Variants in RAP1GAP2 observed in about 807,000 individuals in gnomAD.
RAP1GAP2 encodes the protein RAP1 GTPase activating protein 2.
In RAP1GAP2, 27 loss-of-function variants were observed where a neutral mutation model predicts 95.0. That is an observed-to-expected ratio of 0.28 (90% CI 0.21 to 0.39). The LOEUF is 0.39. Among genes scored for constraint, RAP1GAP2 ranks in the 10% least tolerant of loss-of-function variants. The pLI, the probability that RAP1GAP2 is intolerant of heterozygous loss-of-function variation, is 1.00. For synonymous variants in RAP1GAP2, 373 were observed against 380.9 expected (o/e 0.98, Z 0.24); for missense variants, 771 against 970.0 (o/e 0.79, Z 2.72).
rs948441272 is a variant in RAP1GAP2 at position 2,965,484 on chromosome 17, A to G, written c.493-56A>G. On this transcript the variant is annotated intron_variant, in intron 7 of 24. Transcript: ENST00000254695. This position sits in a 1 kb window ranked among gnomAD's most constrained non-coding sequence, Gnocchi z 4.7. ...CTGGTGAAGGAGGTGGTTTAGGGGG[A>G]ACATACCTGGAAGGTTTCTTCCTCC... 4.4e-6 allele frequency: 6 copies of G among 1,359,942 alleles called. No individual in the cohort carries two copies. In the Admixed American group the frequency reaches 9.8e-5, roughly 22 times the overall value. The allele number at this position is 1,359,942 out of a possible 1,614,324, so 84.2% of individuals were successfully genotyped here.
In RAP1GAP2 at chr17:2,872,426, TGCTTTGAAACAAAGACCGTTGGTTACAG is replaced by T. The variant is rs2072883232; in HGVS notation, c.81-32857_81-32830del. On this transcript the variant is annotated intron_variant, in intron 2 of 24. Coordinates refer to ENST00000254695, the MANE Select transcript of RAP1GAP2 (RefSeq NM_015085.5). ...AGAGGAAAAAGAAGGTCATATAAGC[TGCTTTGAAACAAAGACCGTTGGTTACAG>T]AGGCTTATCTCAGGAGGGGGCTTTT... Among the ~76,000 whole-genome samples the T allele has an allele frequency of 5.9e-5, 9 of 151,826 alleles. No homozygotes were observed. The South Asian group carries it at 1.9e-3, about 32-fold the overall frequency.
At chr17:2,785,546 A>G (rs2068752099) in intron 1 of RAP1GAP2, among the ~76,000 whole-genome samples, 1 of 152,218 alleles carries the variant, frequency 6.6e-6, no homozygotes, top group African/African-American at 2.4e-5. Flanking sequence ...GTATGAAAAA[A>G]GCATTGTGAA....
chr17:3,032,523 C>T, intron 24 of RAP1GAP2, 74 bp downstream of exon 24: 5 of 1,428,474 alleles, frequency 3.5e-6, no homozygotes, highest in Non-Finnish European at 4.9e-6. Flanking sequence ...AACTAGAGGC[C>T]TTGTAACCTC....
chr17:3,023,617 T>G (rs2151652445), intron 19 of RAP1GAP2, among the ~76,000 whole-genome samples: 1 of 152,338 alleles, frequency 6.6e-6, no homozygotes, highest in East Asian at 1.9e-4. Flanking sequence ...GTTACAGGTT[T>G]TTAAAAATTT....
rs78645251 is a variant in RAP1GAP2 at position 3,026,812 on chromosome 17, G to A, written c.1981-132G>A. The A allele has an allele frequency of 6.2e-3, 7,562 of 1,218,272 alleles. 356 individuals are homozygous for A. In the African/African-American group the frequency reaches 0.1, roughly 17 times the overall value. The allele number at this position is 1,218,272 out of a possible 1,614,324, so 75.5% of individuals were successfully genotyped here. ...CTTGGAACCAGGGTTGAAGTCAGCA[G>A]GAAAGAAAGAGCAGGCCCAAGTGGG... is the stretch of plus-strand genomic sequence containing the variant. On this transcript the variant is annotated intron_variant, in intron 21 of 24. Transcript: ENST00000254695.
chr17:2,938,783 T>C (rs1342645593), intron 3 of RAP1GAP2, among the ~76,000 whole-genome samples: 4 of 152,060 alleles, frequency 2.6e-5, no homozygotes, highest in Non-Finnish European at 5.9e-5. Flanking sequence ...GGTTAGGAGT[T>C]TGAGATCAGC....
At position 2,904,642 on chromosome 17, in the gene RAP1GAP2, G is replaced by A. The variant is rs144178298; in HGVS notation, c.81-642G>A. Among the ~76,000 whole-genome samples the A allele has an allele frequency of 4.0e-5, 6 of 150,246 alleles. No individual in the cohort carries two copies. In the East Asian group the frequency reaches 1.2e-3, roughly 30 times the overall value. ...TCTTCTCACACCCAGCCCCAGTCCT[G>A]GATCTCTTTAGCCCCGTGGTTCTCA... On this transcript the variant is annotated intron_variant, in intron 2 of 24. Coordinates refer to ENST00000254695, the MANE Select transcript of RAP1GAP2 (RefSeq NM_015085.5). This position sits in a 1 kb window ranked among gnomAD's most constrained non-coding sequence, Gnocchi z 4.7.
At position 3,025,923 on chromosome 17, in the gene RAP1GAP2, C is replaced by T. The variant is rs553307167; in HGVS notation, c.1752-85C>T. 1.7e-5 allele frequency: 17 copies of T among 1,020,394 alleles called. No homozygotes were observed. The Middle Eastern group carries it at 6.2e-4, about 37-fold the overall frequency. 63.2% of individuals were successfully genotyped at this position (1,020,394 alleles called of 1,614,324 possible). A position where few individuals can be genotyped will look rare whatever the true frequency, so the allele number is the denominator to read the frequency against. ...CTGACCCCACTGCCCCTCACCGTGC[C>T]GAGAGAGGCTCTGCCTGGGGCCGTG... On this transcript the variant is annotated intron_variant, in intron 19 of 24. Transcript: ENST00000254695.
chr17:2,805,692 G>C (rs1197623598), intron 2 of RAP1GAP2, among the ~76,000 whole-genome samples: 1 of 151,956 alleles, frequency 6.6e-6, no homozygotes, highest in African/African-American at 2.4e-5. Flanking sequence ...GCTCCTTTTT[G>C]CTACCCTCTG....
chr17:2,887,701 GTCTC>G (rs1159828193), intron 2 of RAP1GAP2, among the ~76,000 whole-genome samples: 7 of 142,000 alleles, frequency 4.9e-5, no homozygotes, highest in African/African-American at 1.8e-4. Flanking sequence ...TTGAAATGGA[GTCTC>G]TCTCTATTGC....
Position 2,963,359 on chromosome 17 carries a change from C to A in RAP1GAP2, c.247-71C>A, listed in dbSNP as rs1850468786. 2.5e-6 allele frequency: 4 copies of A among 1,570,138 alleles called. No homozygotes were observed. The highest frequency in any genetic ancestry group is 1.8e-6 in the Non-Finnish European group (2 of 1,142,328). On this transcript the variant is annotated intron_variant, in intron 5 of 24. Transcript: ENST00000254695. This position sits in a 1 kb window ranked among gnomAD's most constrained non-coding sequence, Gnocchi z 4.8. ...CCCACAACATATCCCCCTTGCAAGACCTGGAAACAGTGGTCAGACTTTACG... is the reference window on the plus strand; with the variant it reads ...CCCACAACATATCCCCCTTGCAAGAACTGGAAACAGTGGTCAGACTTTACG...
intron 3 of RAP1GAP2, among the ~76,000 whole-genome samples, chr17:2,955,681 G>T (rs1567819538): frequency 6.6e-6 from 1 of 151,924 alleles, no homozygotes; most frequent in Admixed American, 6.6e-5. Flanking sequence ...TTCGTGCGTC[G>T]TTTTTTTGAT....
In RAP1GAP2 at chr17:3,029,556, ATATC is replaced by A. The variant is rs1420593933; in HGVS notation, c.2108-1364_2108-1361del. Among the ~76,000 whole-genome samples, 2 of 152,112 alleles carry A rather than the reference ATATC, an allele frequency of 1.3e-5. No homozygotes were observed. The highest frequency in any genetic ancestry group is 3.8e-4 in the East Asian group (2 of 5,200). ...TGACGTACAGTCTCCATAATGTCAG[ATATC>A]TGATCATGGTCATTTCCTACCTGGG... On this transcript the variant is annotated intron_variant, in intron 22 of 24. Transcript: ENST00000254695. The surrounding 1 kb of genome is among the most constrained non-coding windows in gnomAD (Gnocchi z 4.4).
At chr17:2,967,386 G>A (rs200381828) in intron 8 of RAP1GAP2, among the ~76,000 whole-genome samples, 3 of 135,030 alleles carry the variant, frequency 2.2e-5, no homozygotes, top group East Asian at 6.1e-4. Flanking sequence ...CAACAACGAT[G>A]ACAACAACAA....
chr17:2,820,903 T>TTTTTTTTGTTTTTTG (rs1567678183), intron 2 of RAP1GAP2, among the ~76,000 whole-genome samples: 9 of 145,866 alleles, frequency 6.2e-5, no homozygotes, highest in African/African-American at 2.3e-4. Flanking sequence ...TTTTTTTTTT[T>TTTTTTTTGTTTTTTG]TTTTTTGTAT....
At chr17:2,920,003 C>CTTTTTTTTTTT in intron 3 of RAP1GAP2, among the ~76,000 whole-genome samples, 1 of 133,984 alleles carries the variant, frequency 7.5e-6, no homozygotes. Flanking sequence ...ATCTGGCCTC[C>CTTTTTTTTTTT]TTTTTTCTTT....
rs2046421437 is a variant in RAP1GAP2 at position 3,008,941 on chromosome 17, G to A, written c.1494+796G>A. Among the ~76,000 whole-genome samples, 1 of 152,176 alleles carries A rather than the reference G, an allele frequency of 6.6e-6. No homozygotes were observed. The highest frequency in any genetic ancestry group is 2.1e-4 in the South Asian group (1 of 4,824). On this transcript the variant is annotated intron_variant, in intron 17 of 24. Coordinates refer to ENST00000254695, the MANE Select transcript of RAP1GAP2 (RefSeq NM_015085.5). This position sits in a 1 kb window ranked among gnomAD's most constrained non-coding sequence, Gnocchi z 4.2. ...AGGCCTGCTCAGGTCCTTACACCGA[G>A]GCAGAGTTAGAGCCTCATTTCAAAC... is the stretch of plus-strand genomic sequence containing the variant.
intron 1 of RAP1GAP2, among the ~76,000 whole-genome samples, chr17:2,765,936 T>A (rs747195346): frequency 1.3e-5 from 2 of 151,932 alleles, no homozygotes; most frequent in Non-Finnish European, 2.9e-5. Context: ...ACCACTGCAC[T>A]CCAGCCTGGG....
intron 2 of RAP1GAP2, among the ~76,000 whole-genome samples, chr17:2,826,068 C>T (rs1366110100): frequency 6.7e-6 from 1 of 150,062 alleles, no homozygotes; most frequent in African/African-American, 2.5e-5. Context: ...GCAACTTCCT[C>T]CTCCCAGGTT....
Sources: gnomAD v4.1 joint callset for allele counts (sites outside exome capture counted in the v4.1 genomes callset) on GRCh38, gnomAD v4.1.1 for gene constraint, Gnocchi (gnomAD v3.1) non-coding constraint, MANE v1.5 for transcripts, NCBI Gene and HGNC (gene_info 2026-07-23, HGNC 2026-07-21) for gene names.